Variants in GRM7 observed in about 807,000 individuals in gnomAD.
The protein encoded by GRM7 is glutamate metabotropic receptor 7.
A neutral mutation model predicts 84.5 loss-of-function variants in GRM7; 35 were observed. That is an observed-to-expected ratio of 0.41 (90% CI 0.32 to 0.55). GRM7 has a LOEUF of 0.55. Ranked by LOEUF, GRM7 falls within the 20% of genes least tolerant of loss-of-function variation. The pLI is 0.19. For missense variants in GRM7, 1,003 were observed against 1,194.6 expected (o/e 0.84, Z 2.36); for synonymous variants, 487 against 455.1 (o/e 1.07, Z -0.89).
intron 1 of GRM7, among the ~76,000 whole-genome samples, chr3:6,909,477 CA>C (rs1696693347): frequency 6.6e-6 from 1 of 152,118 alleles, no homozygotes; most frequent in Admixed American, 6.6e-5. Flanking sequence ...CCTTATTTTT[CA>C]CTATCTTTCC....
intron 1 of GRM7, among the ~76,000 whole-genome samples, chr3:6,934,315 AT>A (rs1466310765): frequency 1.3e-5 from 2 of 152,048 alleles, no homozygotes; most frequent in Non-Finnish European, 2.9e-5. Flanking sequence ...TTCATTCACC[AT>A]TTCACAATTT....
At chr3:7,509,070 C>T (rs1339816919) in intron 7 of GRM7, among the ~76,000 whole-genome samples, 3 of 152,106 alleles carry the variant, frequency 2.0e-5, no homozygotes, top group Admixed American at 6.6e-5. Context: ...ACTGCTTCAT[C>T]CCACCCAGGA....
intron 2 of GRM7, among the ~76,000 whole-genome samples, chr3:7,238,612 T>C (rs1326156813): frequency 6.6e-6 from 1 of 152,234 alleles, no homozygotes; most frequent in Non-Finnish European, 1.5e-5. Flanking sequence ...TAAATATTTG[T>C]TAAAGGAATT....
Position 7,006,546 on chromosome 3 carries a change from G to T in GRM7, c.520-139906G>T, listed in dbSNP as rs117956185. 1.4e-3 allele frequency among the ~76,000 whole-genome samples: 215 copies of T among 152,140 alleles called. 7 individuals are homozygous for T. The East Asian group carries it at 0.037, about 26-fold the overall frequency. ...AGCCCAAAGAAAAAGTTATTGTTTT[G>T]CCATAGTAATAATATAAGTCTTTGT... On this transcript the variant is annotated intron_variant, in intron 1 of 9. Transcript: ENST00000357716.
chr3:7,420,027 TG>T (rs1478908573), intron 5 of GRM7, among the ~76,000 whole-genome samples: 4 of 152,172 alleles, frequency 2.6e-5, no homozygotes, highest in Non-Finnish European at 5.9e-5. Context: ...ATTCTTAAGC[TG>T]TGTTTTTCTT....
intron 4 of GRM7, among the ~76,000 whole-genome samples, chr3:7,362,159 A>C (rs1467777503): frequency 2.0e-5 from 3 of 152,094 alleles, no homozygotes; most frequent in Admixed American, 6.6e-5. Context: ...GCTGCTTTAT[A>C]ATAGTCATTT....
chr3:7,307,031 T>C (rs1252783638), intron 4 of GRM7, among the ~76,000 whole-genome samples: 1 of 152,130 alleles, frequency 6.6e-6, no homozygotes. Flanking sequence ...TATTTCCTTA[T>C]TAGAAGAAGT....
At chr3:7,418,205 A>G (rs551869550) in intron 5 of GRM7, among the ~76,000 whole-genome samples, 1 of 152,300 alleles carries the variant, frequency 6.6e-6, no homozygotes, top group South Asian at 2.1e-4. Flanking sequence ...CCTTGATACC[A>G]AATCCCAAGA....
In GRM7 at chr3:7,332,676, T is replaced by C. The variant is rs572379652; in HGVS notation, c.1033+26024T>C. On this transcript the variant is annotated intron_variant, in intron 4 of 9. Coordinates refer to ENST00000357716, the MANE Select transcript of GRM7 (RefSeq NM_000844.4). ...CAGAAATAGCGTGTGGAGACTCACA[T>C]TGTGAACTTATGCTCCAAGAACCAC... Among the ~76,000 whole-genome samples the C allele has an allele frequency of 4.3e-4, 66 of 152,262 alleles. 1 individual carries two copies. Among genetic ancestry groups the C allele is most frequent in the African/African-American group, 1.5e-3 (62 of 41,544 alleles).
chr3:7,532,197 C>A (rs897061748), intron 7 of GRM7, among the ~76,000 whole-genome samples: 1 of 152,140 alleles, frequency 6.6e-6, no homozygotes, highest in African/African-American at 2.4e-5. Context: ...AGGAATGGTA[C>A]CAGCTCCTCT....
chr3:7,478,009 T>C (rs1206731473), intron 7 of GRM7, among the ~76,000 whole-genome samples: 5 of 152,122 alleles, frequency 3.3e-5, no homozygotes, highest in African/African-American at 1.2e-4. Context: ...TTTATCAATG[T>C]GAGTGGATTT....
chr3:7,124,768 GA>G (rs1181793460), intron 1 of GRM7, among the ~76,000 whole-genome samples: 1 of 152,058 alleles, frequency 6.6e-6, no homozygotes, highest in African/African-American at 2.4e-5. Context: ...TAAAGGGAAA[GA>G]AAATGGACCC....
At chr3:7,669,602 C>G (rs538062412) in intron 8 of GRM7, among the ~76,000 whole-genome samples, 1 of 152,044 alleles carries the variant, frequency 6.6e-6, no homozygotes, top group Admixed American at 6.5e-5. Flanking sequence ...GGCAAGGAGT[C>G]GAAGAACATG....
chr3:7,091,389 A>G (rs1698658710), intron 1 of GRM7, among the ~76,000 whole-genome samples: 1 of 152,200 alleles, frequency 6.6e-6, no homozygotes, highest in Non-Finnish European at 1.5e-5. Flanking sequence ...CATTTGATAT[A>G]AGATGTTTAT....
intron 8 of GRM7, among the ~76,000 whole-genome samples, chr3:7,679,118 T>C (rs162805): frequency 0.062 from 9,420 of 152,156 alleles, 381 homozygotes; most frequent in African/African-American, 0.11. Flanking sequence ...TGGCCTAGAC[T>C]TGAGGCTGTG....
chr3:7,213,054 C>G (rs1696482761), intron 2 of GRM7, among the ~76,000 whole-genome samples: 1 of 152,150 alleles, frequency 6.6e-6, no homozygotes, highest in Non-Finnish European at 1.5e-5. Context: ...CATCCTGATT[C>G]TGTTCTATTT....
Position 6,916,797 on chromosome 3 carries a change from T to G in GRM7, c.519+54890T>G, listed in dbSNP as rs989309789. 4.6e-5 allele frequency among the ~76,000 whole-genome samples: 7 copies of G among 152,206 alleles called. 1 individual carries two copies. Among genetic ancestry groups the G allele is most frequent in the African/African-American group, 1.2e-4 (5 of 41,450 alleles). On this transcript the variant is annotated intron_variant, in intron 1 of 9. Transcript: ENST00000357716. ...CATAGCAGAGGTAAAACTTTATTAA[T>G]TCATTTTTTTTTCATTCAGAACCTA... is the stretch of plus-strand genomic sequence containing the variant.
chr3:7,045,150 A>G (rs769581430), intron 1 of GRM7, among the ~76,000 whole-genome samples: 2 of 152,144 alleles, frequency 1.3e-5, no homozygotes, highest in South Asian at 4.1e-4. Context: ...TCATAAGTTG[A>G]CGTGTTAGGG....
intron 7 of GRM7, among the ~76,000 whole-genome samples, chr3:7,469,647 A>G (rs1698614204): frequency 2.0e-5 from 3 of 152,168 alleles, no homozygotes; most frequent in Non-Finnish European, 4.4e-5. Context: ...TGGGTCTCTA[A>G]TCACACCCTG....
Sources: allele counts gnomAD v4.1 joint callset (sites outside exome capture counted in the v4.1 genomes callset), GRCh38; gene constraint gnomAD v4.1.1; transcripts MANE v1.5; gene names NCBI Gene and HGNC (gene_info 2026-07-23, HGNC 2026-07-21).